Variants in CD34 observed in about 807,000 individuals in gnomAD.
The protein encoded by CD34 is hematopoietic progenitor cell antigen CD34.
Under a neutral mutation model 40.1 loss-of-function variants are expected in CD34, and 34 were observed. The ratio of observed to expected loss-of-function variants is 0.85; its 90% CI spans 0.65 to 1.13. The LOEUF (loss-of-function observed/expected upper bound fraction) is 1.13. Among genes scored for constraint, CD34 ranks in the 50% most tolerant of loss-of-function variants. The pLI is 0.00. For missense variants in CD34, 426 were observed against 466.9 expected (o/e 0.91, Z 0.81); for synonymous variants, 209 against 190.0 (o/e 1.10, Z -0.82).
rs746310748 is a variant in CD34 at position 207,899,867 on chromosome 1, C to A, written c.216G>T (p.Leu72=). 2 of 1,613,512 alleles carry A rather than the reference C, an allele frequency of 1.2e-6. No individual in the cohort carries two copies. Among genetic ancestry groups the A allele is most frequent in the Admixed American group, 1.7e-5 (1 of 59,940 alleles). The change falls in exon 2 of 8, where the codon CTG becomes CTT. Residue 72 remains leucine (L), a synonymous_variant. Coordinates refer to ENST00000310833, the MANE Select transcript of CD34 (RefSeq NM_001025109.2). ...CATTGCCATGTTGAGACACAGGGTG[C>A]AGGCTGGTACTTCCAAGGGTACTAG... ...TTPSTLGSTS[L]HPVSQHGNEA...
In CD34 at chr1:207,889,311, T is replaced by C. The variant is rs968787169; in HGVS notation, c.755-98A>G. On this transcript the variant is annotated intron_variant, in intron 5 of 7. Transcript: ENST00000310833. ...CTAGAAGATGCTCTGATGGCCAGGG[T>C]GGTCCATCTCGGGGGGACCGCTCCC... 1.0e-5 allele frequency: 16 copies of C among 1,589,804 alleles called. No individual in the cohort carries two copies. In the African/African-American group the frequency reaches 2.0e-4, roughly 20 times the overall value.
intron 1 of CD34, among the ~76,000 whole-genome samples, chr1:207,910,238 G>A (rs1485880665): frequency 6.6e-6 from 1 of 152,130 alleles, no homozygotes; most frequent in Non-Finnish European, 1.5e-5. Context: ...CAGGGGCAGA[G>A]GAAGAAAACT....
At chr1:207,904,319 T>G (rs1233799673) in intron 1 of CD34, among the ~76,000 whole-genome samples, 3 of 152,196 alleles carry the variant, frequency 2.0e-5, no homozygotes, top group Non-Finnish European at 4.4e-5. Context: ...CTGGGAATCT[T>G]AGTCCATAGA....
At chr1:207,888,213 G>A in intron 7 of CD34, 1 of 1,315,688 alleles carries the variant, frequency 7.6e-7, no homozygotes, top group East Asian at 2.3e-5. Context: ...AAGAAGGGTG[G>A]GATGACCTCC....
chr1:207,886,727 C>T lies in CD34; in HGVS notation c.*1011G>A, dbSNP rs1212632174. 6.6e-6 allele frequency: 1 copy of T among 152,640 alleles called. No homozygotes were observed. Among genetic ancestry groups the T allele is most frequent in the African/African-American group, 2.4e-5 (1 of 41,434 alleles). 9.5% of individuals were successfully genotyped at this position (152,640 alleles called of 1,614,324 possible). A position where few individuals can be genotyped will look rare whatever the true frequency, so the allele number is the denominator to read the frequency against. On this transcript the variant is annotated 3_prime_UTR_variant, in exon 8 of 8. Coordinates refer to ENST00000310833, the MANE Select transcript of CD34 (RefSeq NM_001025109.2). ...CCTGGGTCACCCACAGAAGAGGCAG[C>T]TGGTGATAAGGGTTAGGAGCTGATC...
intron 1 of CD34, among the ~76,000 whole-genome samples, chr1:207,904,757 C>T (rs1160659051): frequency 6.6e-6 from 1 of 152,174 alleles, no homozygotes. Context: ...CTAACTGTCA[C>T]CTCAGTAAGA....
chr1:207,899,565 T>G (rs1484854864), intron 2 of CD34, among the ~76,000 whole-genome samples: 1 of 152,096 alleles, frequency 6.6e-6, no homozygotes, highest in African/African-American at 2.4e-5. Flanking sequence ...TAAGCTAGAC[T>G]CAGCATGAGA....
chr1:207,889,083 T>C (rs1177422219), intron 6 of CD34, 78 bp downstream of exon 6: 2 of 978,196 alleles, frequency 2.0e-6, no homozygotes, highest in Non-Finnish European at 3.3e-6. Context: ...CTGGGGAAGA[T>C]AATGACTTCC....
intron 1 of CD34, among the ~76,000 whole-genome samples, chr1:207,900,327 T>C (rs866098173): frequency 6.6e-6 from 1 of 152,136 alleles, no homozygotes. Flanking sequence ...TATAATCATA[T>C]AAACAAACAT....
intron 1 of CD34, among the ~76,000 whole-genome samples, chr1:207,909,157 T>G (rs541277645): frequency 3.9e-5 from 6 of 152,228 alleles, no homozygotes; most frequent in Non-Finnish European, 8.8e-5. Context: ...GCCTCATCCC[T>G]CCCCACCAAA....
chr1:207,888,745 G>A lies in CD34; in HGVS notation c.909C>T (p.Val303=), dbSNP rs746260628. The change falls in exon 7 of 8, where the codon GTC becomes GTT. Residue 303 remains valine, a synonymous_variant. Coordinates refer to ENST00000310833, the MANE Select transcript of CD34 (RefSeq NM_001025109.2). ...ALVTSGALLA[V]LGITGYFLMN... is the part of the protein sequence containing the mutation. ...TCAGGAAATAGCCAGTGATGCCCAA[G>A]ACAGCCAGCAGGGCTCCCGAGGTGA... The A allele has an allele frequency of 1.9e-5, 30 of 1,614,102 alleles. No homozygotes were observed. The highest frequency in any genetic ancestry group is 3.3e-5 in the Admixed American group (2 of 60,008).
At chr1:207,902,096 C>T (rs1662283023) in intron 1 of CD34, among the ~76,000 whole-genome samples, 1 of 152,230 alleles carries the variant, frequency 6.6e-6, no homozygotes, top group Non-Finnish European at 1.5e-5. Context: ...CCACAACCTG[C>T]TGCAAGCAGA....
intron 1 of CD34, among the ~76,000 whole-genome samples, chr1:207,910,661 G>T (rs925750731): frequency 6.6e-6 from 1 of 151,758 alleles, no homozygotes; most frequent in African/African-American, 2.4e-5. Context: ...CCAGTCTCCC[G>T]GTTCTGGCTG....
intron 1 of CD34, among the ~76,000 whole-genome samples, chr1:207,905,559 C>T (rs754846662): frequency 6.6e-6 from 1 of 152,072 alleles, no homozygotes; most frequent in East Asian, 1.9e-4. Flanking sequence ...GTTTGCTGAC[C>T]CCTGATATGG....
chr1:207,902,475 C>T (rs1571777051), intron 1 of CD34, among the ~76,000 whole-genome samples: 1 of 152,334 alleles, frequency 6.6e-6, no homozygotes, highest in East Asian at 1.9e-4. Flanking sequence ...GACCCTCTCA[C>T]CACTCTGACT....
At chr1:207,897,060 C>T (rs1050343157) in intron 4 of CD34, among the ~76,000 whole-genome samples, 10 of 151,878 alleles carry the variant, frequency 6.6e-5, no homozygotes, top group East Asian at 1.9e-4. Flanking sequence ...TAAAGAGTTA[C>T]GTGTAAATAT....
At position 207,883,926 on chromosome 1, in the gene CD34, C is replaced by T. The variant is rs1257119627; in HGVS notation, c.*3812G>A. 2.0e-5 allele frequency: 3 copies of T among 152,176 alleles called. No individual in the cohort carries two copies. Among genetic ancestry groups the T allele is most frequent in the Non-Finnish European group, 4.4e-5 (3 of 68,044 alleles). 9.4% of individuals were successfully genotyped at this position (152,176 alleles called of 1,614,324 possible). A position where few individuals can be genotyped will look rare whatever the true frequency, so the allele number is the denominator to read the frequency against. On this transcript the variant is annotated 3_prime_UTR_variant, in exon 8 of 8. Transcript: ENST00000310833. ...CCCTCAACCTCTATTCTCTACTCAG[C>T]AGCCAGCATGATCCTTTTAAAACAT...
rs369070171 is a variant in CD34 at position 207,897,596 on chromosome 1, A to G, written c.517-23T>C. On this transcript the variant is annotated intron_variant, in intron 3 of 7. Transcript: ENST00000310833. ...TGCCTGTATTAAAACAAAAACAATA[A>G]CAAAAACAAAGTAAATAAGCCAGTA... The G allele has an allele frequency of 9.6e-4, 1,457 of 1,525,362 alleles. 34 individuals are homozygous for G. In the South Asian group the frequency reaches 0.015, roughly 16 times the overall value. 94.5% of individuals were successfully genotyped at this position (1,525,362 alleles called of 1,614,324 possible).
intron 1 of CD34, among the ~76,000 whole-genome samples, chr1:207,905,854 A>G (rs951265624): frequency 1.1e-4 from 16 of 152,212 alleles, no homozygotes; most frequent in Admixed American, 3.3e-4. Context: ...GGAAACACAA[A>G]TTCATGCTTA....
Sources: allele counts gnomAD v4.1 joint callset (sites outside exome capture counted in the v4.1 genomes callset), GRCh38; gene constraint gnomAD v4.1.1; transcripts MANE v1.5; gene names NCBI Gene and HGNC (gene_info 2026-07-23, HGNC 2026-07-21).